The following KIAA1328 variants were observed in gnomAD, a reference collection of about 807,000 sequenced individuals.
KIAA1328 encodes the protein KIAA1328, also known as protein hinderin.
KIAA1328 carries 52 observed loss-of-function variants against 68.1 expected under a neutral mutation model. The observed-to-expected ratio is 0.76, with a 90% CI of 0.61 to 0.96. The LOEUF (loss-of-function observed/expected upper bound fraction) is 0.96. Ranked by LOEUF, KIAA1328 falls within the 40% of genes least tolerant of loss-of-function variation. KIAA1328 has a pLI of 0.00. For missense variants in KIAA1328, 641 were observed against 677.6 expected (o/e 0.95, Z 0.60); for synonymous variants, 232 against 239.4 (o/e 0.97, Z 0.28).
At chr18:36,951,910 C>G (rs979084178) in intron 5 of KIAA1328, among the ~76,000 whole-genome samples, 1 of 152,162 alleles carries the variant, frequency 6.6e-6, no homozygotes, top group Non-Finnish European at 1.5e-5. Flanking sequence ...TAGTCTTAAG[C>G]CCTCTCATCC....
intron 6 of KIAA1328, among the ~76,000 whole-genome samples, chr18:36,982,009 TAGAC>T (rs961272630): frequency 2.7e-5 from 4 of 149,488 alleles, no homozygotes; most frequent in Non-Finnish European, 5.9e-5. Flanking sequence ...ATATAGCAGT[TAGAC>T]AGAAAAAAGT....
chr18:37,168,939 G>T (rs1365348771), intron 8 of KIAA1328, among the ~76,000 whole-genome samples: 1 of 147,944 alleles, frequency 6.8e-6, no homozygotes, highest in African/African-American at 2.4e-5. Context: ...CTTAAACATT[G>T]AACTCTAAGA....
intron 7 of KIAA1328, among the ~76,000 whole-genome samples, chr18:37,083,021 C>T (rs1456714415): frequency 6.6e-6 from 1 of 152,156 alleles, no homozygotes; most frequent in Non-Finnish European, 1.5e-5. Context: ...TGGCCCAGCC[C>T]TCACTTTAGT....
At position 37,099,850 on chromosome 18, in the gene KIAA1328, G is replaced by A. The variant is rs552418061; in HGVS notation, c.1232+32305G>A. Among the ~76,000 whole-genome samples, 3 of 152,176 alleles carry A rather than the reference G, an allele frequency of 2.0e-5. No individual in the cohort carries two copies. The South Asian group carries it at 6.2e-4, about 32-fold the overall frequency. ...TGTAATGGCCTTCTTTGTCTCTTTT[G>A]ATATTAGTTGGTTTAAAGTCTGTTT... On this transcript the variant is annotated intron_variant, in intron 7 of 9. Transcript: ENST00000280020.
intron 5 of KIAA1328, among the ~76,000 whole-genome samples, chr18:36,903,399 C>T (rs756605554): frequency 3.3e-5 from 5 of 152,048 alleles, no homozygotes; most frequent in Non-Finnish European, 7.4e-5. Flanking sequence ...AGTTCAATTG[C>T]GAAAGTTCTC....
At chr18:36,963,269 A>T (rs2151287999) in intron 6 of KIAA1328, among the ~76,000 whole-genome samples, 1 of 152,290 alleles carries the variant, frequency 6.6e-6, no homozygotes, top group African/African-American at 2.4e-5. Flanking sequence ...GGTAAGAGAA[A>T]ATGGTAGTGT....
At chr18:36,951,975 C>T (rs2051178302) in intron 5 of KIAA1328, among the ~76,000 whole-genome samples, 1 of 152,162 alleles carries the variant, frequency 6.6e-6, no homozygotes, top group South Asian at 2.1e-4. Context: ...AGCTGTAAGT[C>T]ATCAGTGACT....
intron 5 of KIAA1328, among the ~76,000 whole-genome samples, chr18:36,896,514 C>T (rs2048871047): frequency 6.6e-6 from 1 of 152,088 alleles, no homozygotes; most frequent in Non-Finnish European, 1.5e-5. Context: ...GGCTTCTCAC[C>T]TGGCTCTAGT....
intron 9 of KIAA1328, among the ~76,000 whole-genome samples, chr18:37,220,263 A>C (rs1036241092): frequency 1.3e-5 from 2 of 152,244 alleles, no homozygotes; most frequent in African/African-American, 4.8e-5. Flanking sequence ...GTAACATATA[A>C]AGATCATATA....
At chr18:36,868,088 G>T (rs1163493594) in intron 4 of KIAA1328, among the ~76,000 whole-genome samples, 5 of 152,136 alleles carry the variant, frequency 3.3e-5, no homozygotes, top group Non-Finnish European at 7.3e-5. Context: ...GCTTGTTTTA[G>T]CCATGCTAAT....
At chr18:36,898,631 C>T (rs2048938482) in intron 5 of KIAA1328, among the ~76,000 whole-genome samples, 1 of 152,014 alleles carries the variant, frequency 6.6e-6, no homozygotes, top group African/African-American at 2.4e-5. Flanking sequence ...TAAAACTCAT[C>T]TGCTGCCAGC....
chr18:36,924,800 A>T (rs939325912), intron 5 of KIAA1328: 4 of 152,224 alleles, frequency 2.6e-5, no homozygotes, highest in African/African-American at 9.7e-5. Context: ...GAGAAAAAAA[A>T]ATAAAGAGTG....
chr18:36,979,302 T>C lies in KIAA1328; in HGVS notation c.576+19867T>C, dbSNP rs532098964. ...AGTACCTCAGAGAAGGTTTTATGTT[T>C]ATTATAGATATAAACTGTGATGATT... is the stretch of plus-strand genomic sequence containing the variant. On this transcript the variant is annotated intron_variant, in intron 6 of 9. Transcript: ENST00000280020. Among the ~76,000 whole-genome samples, 158 of 152,318 alleles carry C rather than the reference T, an allele frequency of 1.0e-3. 2 individuals carry two copies. The highest frequency in any genetic ancestry group is 3.8e-3 in the African/African-American group (156 of 41,580).
intron 4 of KIAA1328, among the ~76,000 whole-genome samples, chr18:36,873,547 G>T (rs1042848139): frequency 1.3e-5 from 2 of 152,114 alleles, no homozygotes; most frequent in Non-Finnish European, 2.9e-5. Flanking sequence ...TGAGGATAGG[G>T]TATTAAAGAA....
chr18:37,221,995 G>C (rs776286546), intron 9 of KIAA1328, 22 bp from the exon 10 acceptor site: 7 of 1,608,232 alleles, frequency 4.4e-6, no homozygotes, highest in Admixed American at 1.7e-5. Flanking sequence ...ATCCTTTCCT[G>C]TCTGGGTTAT....
At chr18:36,863,939 A>C (rs1337628343) in intron 4 of KIAA1328, among the ~76,000 whole-genome samples, 2 of 152,180 alleles carry the variant, frequency 1.3e-5, no homozygotes, top group Admixed American at 6.5e-5. Context: ...TATGTAGACT[A>C]TCATGTCATT....
At chr18:36,844,929 A>G (rs2046977364) in intron 4 of KIAA1328, among the ~76,000 whole-genome samples, 1 of 151,878 alleles carries the variant, frequency 6.6e-6, no homozygotes, top group African/African-American at 2.4e-5. Context: ...AAATTTACGG[A>G]GAGACCATAC....
intron 6 of KIAA1328, among the ~76,000 whole-genome samples, chr18:37,011,390 G>T (rs922656396): frequency 6.6e-6 from 1 of 151,782 alleles, no homozygotes; most frequent in Non-Finnish European, 1.5e-5. Context: ...CTCTATTCTC[G>T]CACTCCAGAT....
chr18:37,102,883 A>G (rs1050524296), intron 7 of KIAA1328, among the ~76,000 whole-genome samples: 4 of 152,184 alleles, frequency 2.6e-5, no homozygotes, highest in African/African-American at 9.7e-5. Context: ...ACTGTACTGT[A>G]CACTTATAAT....
Sources: gnomAD v4.1 joint callset for allele counts (sites outside exome capture counted in the v4.1 genomes callset) on GRCh38, gnomAD v4.1.1 for gene constraint, MANE v1.5 for transcripts, NCBI Gene and HGNC (gene_info 2026-07-23, HGNC 2026-07-21) for gene names.